The following DENND5B variants were observed in gnomAD, a reference collection of about 807,000 sequenced individuals.
The protein encoded by DENND5B is DENN domain-containing protein 5B.
Under a neutral mutation model 140.6 loss-of-function variants are expected in DENND5B, and 34 were observed. The ratio of observed to expected loss-of-function variants is 0.24; its 90% CI spans 0.18 to 0.32. The LOEUF is 0.32. Ranked by LOEUF, DENND5B falls within the 10% of genes least tolerant of loss-of-function variation. DENND5B has a pLI of 1.00. For missense variants in DENND5B, 1,142 were observed against 1,560.2 expected, an observed-to-expected ratio of 0.73 and a Z score of 4.52; for synonymous variants, 551 against 562.1, an observed-to-expected ratio of 0.98 and a Z score of 0.28.
chr12:31,423,371 A>C (rs1317324059), intron 11 of DENND5B, among the ~76,000 whole-genome samples: 1 of 152,196 alleles, frequency 6.6e-6, no homozygotes, highest in Non-Finnish European at 1.5e-5. Context: ...AGCCTAGGTA[A>C]TCTCATTTTT....
chr12:31,494,127 A>G (rs958598450), intron 2 of DENND5B, among the ~76,000 whole-genome samples: 3 of 151,268 alleles, frequency 2.0e-5, no homozygotes, highest in African/African-American at 7.3e-5. Context: ...AAGGTTGACT[A>G]TCTCTCTATC....
chr12:31,584,844 C>T (rs1488084261), intron 1 of DENND5B, among the ~76,000 whole-genome samples: 2 of 148,144 alleles, frequency 1.4e-5, no homozygotes. Context: ...CCACCCTCCC[C>T]GAAAAAAAAG....
At chr12:31,388,142 T>TA (rs1940937415) in intron 20 of DENND5B, among the ~76,000 whole-genome samples, 1 of 151,484 alleles carries the variant, frequency 6.6e-6, no homozygotes, top group African/African-American at 2.4e-5. Context: ...TCTTTTTTTT[T>TA]AATAGGAGTG....
intron 2 of DENND5B, among the ~76,000 whole-genome samples, chr12:31,489,805 T>C (rs1381007720): frequency 1.3e-5 from 2 of 152,036 alleles, no homozygotes; most frequent in African/African-American, 4.8e-5. Flanking sequence ...GGGAAGACGG[T>C]GGAAGGTGAT....
At chr12:31,541,108 A>G (rs1021503167) in intron 1 of DENND5B, 9 of 423,202 alleles carry the variant, frequency 2.1e-5, no homozygotes, top group African/African-American at 1.9e-4. Flanking sequence ...GAAACTACTA[A>G]AAGAAAACAT....
At chr12:31,415,982 T>G (rs985117948) in intron 11 of DENND5B, among the ~76,000 whole-genome samples, 1 of 151,932 alleles carries the variant, frequency 6.6e-6, no homozygotes. Context: ...ATTACAGGCA[T>G]GCACCACCAC....
At chr12:31,400,917 AC>A (rs1941762649) in intron 15 of DENND5B, among the ~76,000 whole-genome samples, 1 of 148,726 alleles carries the variant, frequency 6.7e-6, no homozygotes, top group African/African-American at 2.5e-5. Context: ...ATCTCCGCTC[AC>A]CACAACCTCC....
chr12:31,395,179 G>A (rs755885109), intron 17 of DENND5B, among the ~76,000 whole-genome samples: 1 of 152,080 alleles, frequency 6.6e-6, no homozygotes, highest in Non-Finnish European at 1.5e-5. Context: ...AAGATTGCTG[G>A]GCCAAGCGTA....
chr12:31,557,101 C>T (rs1295486039), intron 1 of DENND5B, among the ~76,000 whole-genome samples: 1 of 152,104 alleles, frequency 6.6e-6, no homozygotes, highest in African/African-American at 2.4e-5. Flanking sequence ...CACAATATAT[C>T]ATTGGGTTTA....
chr12:31,428,070 T>C (rs1398518631), intron 8 of DENND5B, among the ~76,000 whole-genome samples: 3 of 152,172 alleles, frequency 2.0e-5, no homozygotes, highest in African/African-American at 7.2e-5. Flanking sequence ...AGTCCAATCA[T>C]TTTAACAGTT....
chr12:31,392,376 C>A lies in DENND5B; in HGVS notation c.3357G>T (p.Val1119=). ...CCAGGCCATTTTCTCCACACAGCAA[C>A]ACGGTGAGGCTTCCTCTCTGTGGGG... ...KPEKERGSLT[V]LLCGENGLVA... Residue 1119 remains valine (V), a synonymous_variant, in exon 19 of 21, where the codon GTG becomes GTT. Transcript: ENST00000389082. The A allele has an allele frequency of 6.2e-7, 1 of 1,613,842 alleles. No homozygotes were observed. The highest frequency in any genetic ancestry group is 8.5e-7 in the Non-Finnish European group (1 of 1,179,870).
At chr12:31,499,541 G>A in intron 1 of DENND5B, 1 of 1,277,910 alleles carries the variant, frequency 7.8e-7, no homozygotes, top group Non-Finnish European at 1.0e-6. Flanking sequence ...CATTTATAAT[G>A]GGCTTGCAGT....
intron 2 of DENND5B, among the ~76,000 whole-genome samples, chr12:31,488,456 G>A (rs762834044): frequency 2.0e-5 from 3 of 152,066 alleles, no homozygotes; most frequent in African/African-American, 4.8e-5. Context: ...TTTCTTGAGC[G>A]CACATTCAAA....
chr12:31,535,869 C>G (rs905584325), intron 1 of DENND5B, among the ~76,000 whole-genome samples: 7 of 152,134 alleles, frequency 4.6e-5, no homozygotes, highest in Non-Finnish European at 1.0e-4. Context: ...ATCTGTATCC[C>G]CACCAAATAT....
intron 7 of DENND5B, among the ~76,000 whole-genome samples, chr12:31,436,112 T>C (rs1472647636): frequency 2.1e-5 from 3 of 142,284 alleles, no homozygotes; most frequent in Non-Finnish European, 4.7e-5. Flanking sequence ...GCCCCCCCAC[T>C]TTTTTTTTTT....
In DENND5B at chr12:31,573,827, G is replaced by A. The variant is rs367598458; in HGVS notation, c.127+16879C>T. 3.3e-5 allele frequency among the ~76,000 whole-genome samples: 5 copies of A among 152,220 alleles called. No homozygotes were observed. In the East Asian group the frequency reaches 7.7e-4, roughly 24 times the overall value. On this transcript the variant is annotated intron_variant, in intron 1 of 20. Transcript: ENST00000389082. Reference sequence around the variant, plus strand: ...ATTCTGGCCAGGCACCGTGGTGCACGCCATTAGTCCCAGCTATCCCAGGAG... The same window carrying A: ...ATTCTGGCCAGGCACCGTGGTGCACACCATTAGTCCCAGCTATCCCAGGAG...
intron 16 of DENND5B, among the ~76,000 whole-genome samples, chr12:31,399,428 A>G (rs1285018761): frequency 1.3e-5 from 2 of 151,500 alleles, no homozygotes; most frequent in African/African-American, 4.8e-5. Flanking sequence ...ACAAGCGTAC[A>G]CCACCATGCC....
Position 31,495,303 on chromosome 12 carries a change from T to G in DENND5B, c.237+507A>C, listed in dbSNP as rs193264217. Among the ~76,000 whole-genome samples, 14 of 152,222 alleles carry G rather than the reference T, an allele frequency of 9.2e-5. No individual in the cohort carries two copies. In the East Asian group the frequency reaches 2.7e-3, roughly 29 times the overall value. On this transcript the variant is annotated intron_variant, in intron 2 of 20. Coordinates refer to ENST00000389082, the MANE Select transcript of DENND5B (RefSeq NM_144973.4). Reference sequence around the variant, plus strand: ...ATCTATTGTATAAACTTATTAACTATGGAAACCCTGGGCAAGTAACTTGCT... The same window carrying G: ...ATCTATTGTATAAACTTATTAACTAGGGAAACCCTGGGCAAGTAACTTGCT...
intron 1 of DENND5B, among the ~76,000 whole-genome samples, chr12:31,543,018 C>T (rs1948739157): frequency 1.3e-5 from 2 of 151,948 alleles, no homozygotes; most frequent in Admixed American, 6.6e-5. Context: ...TTTTGGTAGA[C>T]AACACTTAAA....
Sources: allele counts gnomAD v4.1 joint callset (sites outside exome capture counted in the v4.1 genomes callset), GRCh38; gene constraint gnomAD v4.1.1; transcripts MANE v1.5; gene names NCBI Gene and HGNC (gene_info 2026-07-23, HGNC 2026-07-21).